SYT9: variants seen among roughly 807,000 people sequenced by gnomAD.
The protein encoded by SYT9 is synaptotagmin 9, also known as synaptotagmin-9.
Under a neutral mutation model 48.4 loss-of-function variants are expected in SYT9, and 22 were observed. That is an observed-to-expected ratio of 0.45 (90% CI 0.32 to 0.65). The LOEUF is 0.65. SYT9 is among the 30% of genes least tolerant of loss of function. SYT9 has a pLI of 0.03. For missense variants in SYT9, 577 were observed against 622.0 expected (o/e 0.93, Z 0.77); for synonymous variants, 265 against 245.0 (o/e 1.08, Z -0.76).
intron 1 of SYT9, among the ~76,000 whole-genome samples, chr11:7,288,139 T>A (rs1283412990): frequency 6.6e-6 from 1 of 152,082 alleles, no homozygotes; most frequent in Admixed American, 6.5e-5. Flanking sequence ...TATGTAACTG[T>A]CAGGGGCCTG....
chr11:7,252,906 C>T lies in SYT9; in HGVS notation c.145+575C>T, dbSNP rs1228065981. Among the ~76,000 whole-genome samples, 11 of 152,226 alleles carry T rather than the reference C, an allele frequency of 7.2e-5. No homozygotes were observed. Among genetic ancestry groups the T allele is most frequent in the African/African-American group, 2.4e-4 (10 of 41,468 alleles). ...GGCCTTGGGCAGACGGGCCTGAACC[C>T]GTTCCCGGCGGGTCGCACGGCATGG... is the stretch of plus-strand genomic sequence containing the variant. On this transcript the variant is annotated intron_variant, in intron 1 of 6. Transcript: ENST00000318881. This position sits in a 1 kb window ranked among gnomAD's most constrained non-coding sequence, Gnocchi z 6.3.
intron 3 of SYT9, among the ~76,000 whole-genome samples, chr11:7,393,411 A>C (rs1280646192): frequency 6.7e-6 from 1 of 150,068 alleles, no homozygotes; most frequent in African/African-American, 2.5e-5. Flanking sequence ...ACATTTATTC[A>C]TTTGCATATG....
chr11:7,376,527 A>G (rs1265161532), intron 3 of SYT9, among the ~76,000 whole-genome samples: 1 of 152,064 alleles, frequency 6.6e-6, no homozygotes, highest in African/African-American at 2.4e-5. Flanking sequence ...AGACTAAGTC[A>G]TGGAATTTCC....
rs1848059775 is a variant in SYT9 at position 7,451,908 on chromosome 11, T to A, written c.1468-14884T>A. The stretch of plus-strand genomic sequence containing the variant: ...AACTGTTCCTTGCAAGGGACTAGCA[T>A]GTACCTCATGACCGACAACAACAAA... On this transcript the variant is annotated intron_variant, in intron 6 of 6. Transcript: ENST00000318881. 3.3e-5 allele frequency among the ~76,000 whole-genome samples: 5 copies of A among 152,182 alleles called. No individual in the cohort carries two copies. In the South Asian group the frequency reaches 1.0e-3, roughly 32 times the overall value.
chr11:7,387,623 C>T (rs1307062001), intron 3 of SYT9, among the ~76,000 whole-genome samples: 2 of 152,072 alleles, frequency 1.3e-5, no homozygotes, highest in Admixed American at 6.6e-5. Flanking sequence ...GATGATGTAC[C>T]TTATTCCTAA....
chr11:7,431,031 AG>A (rs1342129435), intron 6 of SYT9, among the ~76,000 whole-genome samples: 1 of 152,222 alleles, frequency 6.6e-6, no homozygotes, highest in African/African-American at 2.4e-5. Context: ...AAAGGTTGGA[AG>A]AGTTTGGAGG....
intron 3 of SYT9, among the ~76,000 whole-genome samples, chr11:7,335,119 T>C (rs1045419514): frequency 1.3e-5 from 2 of 152,214 alleles, no homozygotes; most frequent in Non-Finnish European, 2.9e-5. Flanking sequence ...TTCTAGTTGC[T>C]CTACATTCTC....
At chr11:7,280,577 A>G (rs1848475358) in intron 1 of SYT9, among the ~76,000 whole-genome samples, 1 of 152,230 alleles carries the variant, frequency 6.6e-6, no homozygotes, top group Non-Finnish European at 1.5e-5. Flanking sequence ...GAAGACCTTA[A>G]CAAAATAATA....
At chr11:7,417,829 C>T in intron 4 of SYT9, 128 bp from the exon 5 acceptor site, 1 of 880,296 alleles carries the variant, frequency 1.1e-6, no homozygotes, top group Non-Finnish European at 1.7e-6. Flanking sequence ...GACAGTCCTC[C>T]AACTCCAGTC....
Position 7,451,783 on chromosome 11 carries a change from C to T in SYT9, c.1468-15009C>T, listed in dbSNP as rs537698767. Among the ~76,000 whole-genome samples, 105 of 152,164 alleles carry T rather than the reference C, an allele frequency of 6.9e-4. 1 individual carries two copies. The highest frequency in any genetic ancestry group is 1.2e-3 in the Non-Finnish European group (83 of 68,004). On this transcript the variant is annotated intron_variant, in intron 6 of 6. Coordinates refer to ENST00000318881, the MANE Select transcript of SYT9 (RefSeq NM_175733.4). ...ACCATCAAAATAATAGAGTGCACTC[C>T]GGGATGGAGTGAAACAAAAGAAAGC...
chr11:7,388,902 T>A (rs1417569982), intron 3 of SYT9, among the ~76,000 whole-genome samples: 1 of 152,168 alleles, frequency 6.6e-6, no homozygotes, highest in Admixed American at 6.6e-5. Context: ...AGCTTTGGTC[T>A]CCGGGTGAAA....
At chr11:7,302,947 G>C (rs889439291) in intron 1 of SYT9, 92 bp from the exon 2 acceptor site, 1 of 1,185,530 alleles carries the variant, frequency 8.4e-7, no homozygotes, top group African/African-American at 1.5e-5. Context: ...CCCAAGGGAT[G>C]AGTGGATGAG....
intron 3 of SYT9, among the ~76,000 whole-genome samples, chr11:7,332,822 C>T (rs1048786029): frequency 3.9e-5 from 6 of 152,170 alleles, no homozygotes; most frequent in African/African-American, 1.4e-4. Flanking sequence ...TTCTACAAAC[C>T]TGGAACAGCT....
chr11:7,350,982 A>G (rs888750262), intron 3 of SYT9, among the ~76,000 whole-genome samples: 1 of 152,222 alleles, frequency 6.6e-6, no homozygotes, highest in Non-Finnish European at 1.5e-5. Context: ...TGAAGTAAGT[A>G]TCAGGGTAAC....
At chr11:7,331,555 A>T (rs1279059096) in intron 3 of SYT9, among the ~76,000 whole-genome samples, 2 of 152,100 alleles carry the variant, frequency 1.3e-5, no homozygotes, top group African/African-American at 2.4e-5. Flanking sequence ...ACCAAAAAAA[A>T]ATATGTAATA....
intron 6 of SYT9, among the ~76,000 whole-genome samples, chr11:7,452,145 ACACT>A (rs1408489232): frequency 4.0e-5 from 6 of 151,702 alleles, no homozygotes; most frequent in Admixed American, 1.3e-4. Flanking sequence ...ACACACACAC[ACACT>A]GAGGAAAAAC....
chr11:7,453,077 C>T (rs904330950), intron 6 of SYT9, among the ~76,000 whole-genome samples: 12 of 151,794 alleles, frequency 7.9e-5, no homozygotes, highest in African/African-American at 1.5e-4. Context: ...CCACCGCGCC[C>T]GGCCCTGAAA....
At chr11:7,413,882 G>C (rs190796625) in intron 3 of SYT9, among the ~76,000 whole-genome samples, 62 of 152,056 alleles carry the variant, frequency 4.1e-4, no homozygotes, top group Middle Eastern at 3.4e-3. Context: ...GTAGGCACGA[G>C]CCACTGCACC....
Position 7,284,382 on chromosome 11 carries a change from T to A in SYT9, c.146-18657T>A, listed in dbSNP as rs759835364. Among the ~76,000 whole-genome samples the A allele has an allele frequency of 1.3e-3, 204 of 152,288 alleles. 2 individuals are homozygous for A. Among genetic ancestry groups the A allele is most frequent in the Middle Eastern group, 3.4e-3 (1 of 294 alleles). On this transcript the variant is annotated intron_variant, in intron 1 of 6. Coordinates refer to ENST00000318881, the MANE Select transcript of SYT9 (RefSeq NM_175733.4). ...TTTTCCTTAATTAGTTGGAGTACATTCTCAAGTAAATTTTTCAAAAGAGAA... is the reference window on the plus strand; with the variant it reads ...TTTTCCTTAATTAGTTGGAGTACATACTCAAGTAAATTTTTCAAAAGAGAA...
Sources: allele counts gnomAD v4.1 joint callset (sites outside exome capture counted in the v4.1 genomes callset), GRCh38; gene constraint gnomAD v4.1.1; non-coding constraint Gnocchi (gnomAD v3.1); transcripts MANE v1.5; gene names NCBI Gene and HGNC (gene_info 2026-07-23, HGNC 2026-07-21).